ESR1: variants seen among roughly 807,000 people sequenced by gnomAD.
ESR1 encodes the protein estrogen receptor 1.
A neutral mutation model predicts 52.7 loss-of-function variants in ESR1; 12 were observed. The ratio of observed to expected loss-of-function variants is 0.23; its 90% confidence interval spans 0.15 to 0.37. The LOEUF is 0.37. Among genes scored for constraint, ESR1 ranks in the 10% least tolerant of loss-of-function variants. The probability of loss-of-function intolerance (pLI) is 1.00; values close to 1 mark genes in which losing one functional copy is unlikely to be tolerated. For synonymous variants in ESR1, 305 were observed against 316.8 expected (o/e 0.96, Z 0.39); for missense variants, 584 against 779.7 (o/e 0.75, Z 2.99).
At chr6:152,105,473 T>C (rs963402666), downstream of ESR1, among the ~76,000 whole-genome samples, 5 of 151,462 alleles carry the variant, frequency 3.3e-5, no homozygotes, top group African/African-American at 4.9e-5. Context: ...TCACCCAGGC[T>C]GGAGTGCAGT....
At chr6:151,982,052 T>G (rs1280433423) in intron 4 of ESR1, among the ~76,000 whole-genome samples, 1 of 152,252 alleles carries the variant, frequency 6.6e-6, no homozygotes, top group East Asian at 1.9e-4. Context: ...CAATCTCACT[T>G]TATTCATTCA....
intron 5 of ESR1, among the ~76,000 whole-genome samples, chr6:152,058,604 G>C (rs1291197389): frequency 6.6e-6 from 1 of 152,168 alleles, no homozygotes; most frequent in East Asian, 1.9e-4. Context: ...GAGATGGGTT[G>C]AATCTGGGGA....
chr6:152,055,929 G>T (rs919309572), intron 5 of ESR1, among the ~76,000 whole-genome samples: 1 of 152,146 alleles, frequency 6.6e-6, no homozygotes, highest in African/African-American at 2.4e-5. Flanking sequence ...GTATCAAACA[G>T]CCATCAAATC....
chr6:151,943,800 T>G (rs1277185481), intron 3 of ESR1, among the ~76,000 whole-genome samples: 1 of 152,242 alleles, frequency 6.6e-6, no homozygotes, highest in East Asian at 1.9e-4. Flanking sequence ...TTATAACACC[T>G]GTTACACACA....
chr6:151,691,367 G>C (rs560666291), intron 1 of ESR1, among the ~76,000 whole-genome samples: 12 of 152,156 alleles, frequency 7.9e-5, no homozygotes, highest in African/African-American at 2.9e-4. Context: ...TCACAAGACA[G>C]GGCAGAATAC....
At chr6:151,713,418 A>G (rs963955668) in intron 2 of ESR1, among the ~76,000 whole-genome samples, 2 of 152,246 alleles carry the variant, frequency 1.3e-5, no homozygotes, top group African/African-American at 4.8e-5. Context: ...GAATGGTACC[A>G]GCTCCTCTTT....
intron 2 of ESR1, among the ~76,000 whole-genome samples, chr6:151,735,397 C>A (rs1411008753): frequency 6.6e-6 from 1 of 152,218 alleles, no homozygotes; most frequent in Non-Finnish European, 1.5e-5. Context: ...ACCCACAGAA[C>A]TTCCCTGAAA....
upstream of ESR1, among the ~76,000 whole-genome samples, chr6:151,690,073 A>G (rs1282245378): frequency 6.6e-6 from 1 of 152,228 alleles, no homozygotes; most frequent in Non-Finnish European, 1.5e-5. Flanking sequence ...ATCGGTAACA[A>G]GAAGTGCAGA....
chr6:151,768,368 A>C (rs1300677419), intron 2 of ESR1, among the ~76,000 whole-genome samples: 2 of 152,184 alleles, frequency 1.3e-5, no homozygotes, highest in Non-Finnish European at 2.9e-5. Flanking sequence ...ATTCCACAAA[A>C]TAGCTGGCTA....
chr6:151,905,368 C>T lies in ESR1; in HGVS notation c.760+24597C>T, dbSNP rs9340873. ...AGAATGCGAGAGGCAGTAAACACACCAGAAGAGGATACAATATCCGGACCA... is the reference window on the plus strand; with the variant it reads ...AGAATGCGAGAGGCAGTAAACACACTAGAAGAGGATACAATATCCGGACCA... On this transcript the variant is annotated intron_variant, in intron 3 of 7. Coordinates refer to ENST00000206249, the MANE Select transcript of ESR1 (RefSeq NM_000125.4). Among the ~76,000 whole-genome samples, 1,205 of 152,192 alleles carry T rather than the reference C, an allele frequency of 7.9e-3. 22 individuals carry two copies. Among genetic ancestry groups the T allele is most frequent in the African/African-American group, 0.028 (1,165 of 41,532 alleles).
At chr6:151,976,391 G>A (rs1006606816) in intron 4 of ESR1, among the ~76,000 whole-genome samples, 5 of 151,856 alleles carry the variant, frequency 3.3e-5, no homozygotes, top group Non-Finnish European at 7.4e-5. Context: ...TTACATTTTG[G>A]TGGGGAGGGA....
chr6:151,999,317 T>TCA (rs2041763677), intron 4 of ESR1, among the ~76,000 whole-genome samples: 1 of 152,144 alleles, frequency 6.6e-6, no homozygotes, highest in Admixed American at 6.6e-5. Flanking sequence ...TGATGCATTT[T>TCA]CACAGAGTTT....
intron 1 of ESR1, among the ~76,000 whole-genome samples, chr6:151,657,958 A>G (rs1777512242): frequency 6.6e-6 from 1 of 152,214 alleles, no homozygotes; most frequent in Non-Finnish European, 1.5e-5. Flanking sequence ...TATTTTTAAA[A>G]TTTAAAACCA....
chr6:151,753,567 G>C (rs145093957), intron 2 of ESR1, among the ~76,000 whole-genome samples: 2,735 of 152,134 alleles, frequency 0.018, 76 homozygotes, highest in African/African-American at 0.053. Flanking sequence ...ATCCACCCAC[G>C]TTGGCCTCCC....
chr6:152,018,660 G>A (rs1236899489), intron 5 of ESR1, among the ~76,000 whole-genome samples: 2 of 152,094 alleles, frequency 1.3e-5, no homozygotes, highest in African/African-American at 4.8e-5. Context: ...AGTCAGTCCT[G>A]GGCAGGAGAC....
At chr6:151,902,487 C>A (rs1473277947) in intron 3 of ESR1, among the ~76,000 whole-genome samples, 1 of 152,164 alleles carries the variant, frequency 6.6e-6, no homozygotes, top group African/African-American at 2.4e-5. Flanking sequence ...GACTCAAAGA[C>A]ATGAACTCTA....
intron 4 of ESR1, among the ~76,000 whole-genome samples, chr6:151,991,395 A>G (rs201718085): frequency 6.6e-6 from 1 of 152,162 alleles, no homozygotes; most frequent in East Asian, 1.9e-4. Flanking sequence ...TACAAAAAAC[A>G]TTTATTAAAA....
intron 2 of ESR1, among the ~76,000 whole-genome samples, chr6:151,721,343 A>G (rs1360168589): frequency 6.6e-6 from 1 of 152,188 alleles, no homozygotes; most frequent in Non-Finnish European, 1.5e-5. Context: ...GGGAGTACAC[A>G]GATCACTCAA....
chr6:151,896,298 G>A (rs1256968638), intron 3 of ESR1, among the ~76,000 whole-genome samples: 2 of 152,138 alleles, frequency 1.3e-5, no homozygotes, highest in African/African-American at 2.4e-5. Context: ...ATTCAGCTGT[G>A]AATTCATCTG....
Sources: gnomAD v4.1 joint callset for allele counts (sites outside exome capture counted in the v4.1 genomes callset) on GRCh38, gnomAD v4.1.1 for gene constraint, MANE v1.5 for transcripts, NCBI Gene and HGNC (gene_info 2026-07-23, HGNC 2026-07-21) for gene names.